Variants in NXPH2 observed in about 807,000 individuals in gnomAD.
The protein encoded by NXPH2 is neurexophilin 2.
NXPH2 carries 5 observed loss-of-function variants against 19.8 expected under a neutral mutation model. That is an observed-to-expected ratio of 0.25 (90% CI 0.13 to 0.53). NXPH2 has a LOEUF of 0.53. Ranked by LOEUF, NXPH2 falls within the 20% of genes least tolerant of loss-of-function variation. The pLI, the probability that NXPH2 is intolerant of heterozygous loss-of-function variation, is 0.96. For missense variants in NXPH2, 289 were observed against 322.8 expected, an observed-to-expected ratio of 0.90 and a Z score of 0.80; for synonymous variants, 154 against 127.4, an observed-to-expected ratio of 1.21 and a Z score of -1.41.
At chr2:138,696,564 A>C (rs1361152118) in intron 1 of NXPH2, among the ~76,000 whole-genome samples, 1 of 152,204 alleles carries the variant, frequency 6.6e-6, no homozygotes. Context: ...CTCCATACCC[A>C]CTAGAAGGGC....
chr2:138,679,467 C>G (rs1050249424), intron 1 of NXPH2, among the ~76,000 whole-genome samples: 1 of 148,428 alleles, frequency 6.7e-6, no homozygotes, highest in East Asian at 2.0e-4. Flanking sequence ...GTGGCGCGAT[C>G]TCGGCTCACT....
intron 1 of NXPH2, among the ~76,000 whole-genome samples, chr2:138,712,442 G>T (rs1477959322): frequency 6.6e-6 from 1 of 152,098 alleles, no homozygotes; most frequent in African/African-American, 2.4e-5. Context: ...TGTCCTCTCT[G>T]GGTTGACCAC....
At position 138,675,953 on chromosome 2, in the gene NXPH2, ATATG is replaced by A. The variant is rs1280770564; in HGVS notation, c.52-4292_52-4289del. ...TTAGGTAAAAAGTACATATATATAC[ATATG>A]TGTGTGTGTGTGTGTGTGTGTGTGT... On this transcript the variant is annotated intron_variant, in intron 1 of 1. Coordinates refer to ENST00000272641, the MANE Select transcript of NXPH2 (RefSeq NM_007226.3). Among the ~76,000 whole-genome samples, 19 of 31,624 alleles carry A rather than the reference ATATG, an allele frequency of 6.0e-4. No individual in the cohort carries two copies. The East Asian group carries it at 0.013, about 22-fold the overall frequency. 20.7% of individuals were successfully genotyped at this position (31,624 alleles called of 152,430 possible).
At chr2:138,712,573 C>A (rs78719146) in intron 1 of NXPH2, among the ~76,000 whole-genome samples, 2,815 of 152,248 alleles carry the variant, frequency 0.018, 82 homozygotes, top group African/African-American at 0.063. Context: ...GGTGGCAGCA[C>A]AGTATCTTTG....
At chr2:138,773,310 TA>T (rs1409359858) in intron 1 of NXPH2, among the ~76,000 whole-genome samples, 1 of 152,208 alleles carries the variant, frequency 6.6e-6, no homozygotes, top group Non-Finnish European at 1.5e-5. Flanking sequence ...TCCATTTCCA[TA>T]GCCATATTCC....
chr2:138,672,465 A>T (rs1429242493), intron 1 of NXPH2, among the ~76,000 whole-genome samples: 1 of 152,156 alleles, frequency 6.6e-6, no homozygotes, highest in Non-Finnish European at 1.5e-5. Flanking sequence ...CTTTATTTGC[A>T]TTTGATTTTT....
At chr2:138,681,861 T>C (rs1324110284) in intron 1 of NXPH2, among the ~76,000 whole-genome samples, 2 of 152,202 alleles carry the variant, frequency 1.3e-5, no homozygotes, top group Non-Finnish European at 2.9e-5. Flanking sequence ...GACTTGTTCA[T>C]GGTGTTGTTA....
At chr2:138,779,338 T>C (rs927296600) in intron 1 of NXPH2, among the ~76,000 whole-genome samples, 8 of 152,168 alleles carry the variant, frequency 5.3e-5, no homozygotes, top group African/African-American at 1.9e-4. Flanking sequence ...AGATCTTACT[T>C]TGGTTTTCCC....
chr2:138,756,400 A>G (rs949569717), intron 1 of NXPH2, among the ~76,000 whole-genome samples: 5 of 151,606 alleles, frequency 3.3e-5, no homozygotes, highest in Non-Finnish European at 7.4e-5. Context: ...CCCAAAATGG[A>G]CACACTTGAA....
chr2:138,705,227 G>A (rs1006245332), intron 1 of NXPH2, among the ~76,000 whole-genome samples: 18 of 151,962 alleles, frequency 1.2e-4, no homozygotes, highest in African/African-American at 4.1e-4. Context: ...GCCTCTCAAA[G>A]TGTTGAGATT....
intron 1 of NXPH2, among the ~76,000 whole-genome samples, chr2:138,776,024 G>A (rs547330922): frequency 1.1e-4 from 17 of 152,116 alleles, no homozygotes; most frequent in South Asian, 4.1e-4. Flanking sequence ...ATATGTAAAC[G>A]GTAAGAGACA....
chr2:138,779,246 T>C (rs1010436525), intron 1 of NXPH2, among the ~76,000 whole-genome samples: 1 of 152,192 alleles, frequency 6.6e-6, no homozygotes, highest in South Asian at 2.1e-4. Context: ...AAGAGCTAAG[T>C]GACCAGAAGA....
At chr2:138,770,046 A>G (rs1682152979) in intron 1 of NXPH2, among the ~76,000 whole-genome samples, 4 of 152,328 alleles carry the variant, frequency 2.6e-5, no homozygotes, top group East Asian at 1.9e-4. Flanking sequence ...AAGGGATTCA[A>G]TAAGGGTTGG....
At chr2:138,748,994 C>G (rs999305081) in intron 1 of NXPH2, among the ~76,000 whole-genome samples, 4 of 152,118 alleles carry the variant, frequency 2.6e-5, no homozygotes, top group Admixed American at 6.6e-5. Context: ...TCATCTAGTC[C>G]TAAAGTTTTA....
chr2:138,708,003 G>A (rs1045448914), intron 1 of NXPH2, among the ~76,000 whole-genome samples: 12 of 152,086 alleles, frequency 7.9e-5, no homozygotes, highest in African/African-American at 2.7e-4. Context: ...CTCTCTTACT[G>A]AAATAATTTG....
intron 1 of NXPH2, among the ~76,000 whole-genome samples, chr2:138,692,567 T>A (rs1478155186): frequency 6.6e-6 from 1 of 152,180 alleles, no homozygotes; most frequent in Non-Finnish European, 1.5e-5. Flanking sequence ...ATGAAAATGA[T>A]GGAGCAAGTA....
At chr2:138,714,516 T>C (rs1681160256) in intron 1 of NXPH2, among the ~76,000 whole-genome samples, 1 of 152,172 alleles carries the variant, frequency 6.6e-6, no homozygotes, top group African/African-American at 2.4e-5. Context: ...TTGAAGGTTA[T>C]ATTCAATGAG....
In NXPH2 at chr2:138,712,511, C is replaced by T. The variant is rs551286721; in HGVS notation, c.52-40846G>A. On this transcript the variant is annotated intron_variant, in intron 1 of 1. Coordinates refer to ENST00000272641, the MANE Select transcript of NXPH2 (RefSeq NM_007226.3). ...ATACAATCATCACAACATTGCCCCC[C>T]ACCCTGGGATACTAAGGAGCCTTCA... Among the ~76,000 whole-genome samples, 5 of 152,186 alleles carry T rather than the reference C, an allele frequency of 3.3e-5. No individual in the cohort carries two copies. In the South Asian group the frequency reaches 8.3e-4, roughly 25 times the overall value.
At chr2:138,682,756 C>T (rs531602026) in intron 1 of NXPH2, among the ~76,000 whole-genome samples, 1 of 152,252 alleles carries the variant, frequency 6.6e-6, no homozygotes, top group African/African-American at 2.4e-5. Flanking sequence ...GATTGCAATG[C>T]TTGGCAGTAG....
Sources: allele counts gnomAD v4.1 joint callset (sites outside exome capture counted in the v4.1 genomes callset), GRCh38; gene constraint gnomAD v4.1.1; transcripts MANE v1.5; gene names NCBI Gene and HGNC (gene_info 2026-07-23, HGNC 2026-07-21).